MAP4K5: variants seen among roughly 807,000 people sequenced by gnomAD.
MAP4K5 encodes the protein MAPK/ERK kinase kinase kinase 5.
Under a neutral mutation model 135.6 loss-of-function variants are expected in MAP4K5, and 82 were observed. The ratio of observed to expected loss-of-function variants is 0.60; its 90% CI spans 0.51 to 0.73. MAP4K5 has a LOEUF of 0.73. Ranked by LOEUF, MAP4K5 falls within the 30% of genes least tolerant of loss-of-function variation. The probability of loss-of-function intolerance (pLI) is 0.00; values close to 1 mark genes in which losing one functional copy is unlikely to be tolerated. For synonymous variants in MAP4K5, 347 were observed against 335.0 expected, an observed-to-expected ratio of 1.04 and a Z score of -0.39; for missense variants, 907 against 1,010.9, an observed-to-expected ratio of 0.90 and a Z score of 1.39.
At position 50,486,135 on chromosome 14, in the gene MAP4K5, TA is replaced by T; in HGVS notation, c.225del (p.Cys75Ter). 7.1e-7 allele frequency: 1 copy of T among 1,416,826 alleles called. No homozygotes were observed. The highest frequency in any genetic ancestry group is 9.7e-7 in the Non-Finnish European group (1 of 1,035,468). The allele number at this position is 1,416,826 out of a possible 1,614,324, so 87.8% of individuals were successfully genotyped here. A position where few individuals can be genotyped will look rare whatever the true frequency, so the allele number is the denominator to read the frequency against. On this transcript the variant is annotated frameshift_variant, in exon 4 of 33. Transcript: ENST00000682126. LOFTEE classifies it high-confidence loss of function. ...EIFMVKECKH[C>X]NIVAYFGSYL... The stretch of plus-strand genomic sequence containing the variant: ...TAACTCCCAAAGTAGGCAACGATGT[TA>T]CAATGTTTACATTCTTTAACCATAA...
At chr14:50,553,682 C>T (rs1348399281) in intron 1 of MAP4K5, among the ~76,000 whole-genome samples, 2 of 152,090 alleles carry the variant, frequency 1.3e-5, no homozygotes, top group African/African-American at 4.8e-5. Context: ...TTCACAATTA[C>T]AAAGATATGG....
At chr14:50,437,315 G>A (rs768013040) in intron 26 of MAP4K5, among the ~76,000 whole-genome samples, 161 bp downstream of exon 26, 32 of 152,158 alleles carry the variant, frequency 2.1e-4, no homozygotes, top group Non-Finnish European at 4.6e-4. Context: ...TCTATGCCAT[G>A]TCTGTCTATA....
At chr14:50,511,748 G>A (rs953470414) in intron 2 of MAP4K5, among the ~76,000 whole-genome samples, 13 of 152,038 alleles carry the variant, frequency 8.6e-5, no homozygotes, top group African/African-American at 3.1e-4. Flanking sequence ...AAAAGATACG[G>A]AAGAATCCTA....
Position 50,476,264 on chromosome 14 carries a change from T to C in MAP4K5, c.421A>G (p.Ile141Val). The C allele has an allele frequency of 6.6e-7, 1 of 1,503,848 alleles. No individual in the cohort carries two copies. 93.2% of individuals were successfully genotyped at this position (1,503,848 alleles called of 1,614,324 possible). ...AATGTATTAAATGAACTTACTTTGA[T>C]ATCTCTATGCATTTTGCCTTTAGTA... ...LHTKGKMHRD[I>V]KGANILLTDH... Residue 141 changes from isoleucine (I) to valine (V), a missense_variant, in exon 7 of 33, where the codon ATC becomes GTC. Transcript: ENST00000682126.
chr14:50,461,252 C>A (rs766661273), intron 13 of MAP4K5, among the ~76,000 whole-genome samples: 2 of 151,998 alleles, frequency 1.3e-5, no homozygotes, highest in Non-Finnish European at 2.9e-5. Flanking sequence ...TGGTCTTGAA[C>A]TCCTGAACTC....
At chr14:50,523,235 TG>T (rs1214376127) in intron 2 of MAP4K5, among the ~76,000 whole-genome samples, 34 of 152,006 alleles carry the variant, frequency 2.2e-4, no homozygotes, top group African/African-American at 7.2e-4. Flanking sequence ...CGCTTGAACC[TG>T]GGAGGTGGAG....
At chr14:50,508,826 T>C (rs1276701602) in intron 2 of MAP4K5, among the ~76,000 whole-genome samples, 2 of 152,150 alleles carry the variant, frequency 1.3e-5, no homozygotes, top group Non-Finnish European at 2.9e-5. Context: ...AGTGTGGTGA[T>C]TCCTCAAGGA....
rs76864225 is a variant in MAP4K5 at position 50,476,213 on chromosome 14, T to C, written c.427-43A>G. 1.5e-4 allele frequency: 228 copies of C among 1,476,066 alleles called. No homozygotes were observed. In the East Asian group the frequency reaches 5.0e-3, roughly 32 times the overall value. 91.4% of individuals were successfully genotyped at this position (1,476,066 alleles called of 1,614,324 possible). A position where few individuals can be genotyped will look rare whatever the true frequency, so the allele number is the denominator to read the frequency against. On this transcript the variant is annotated intron_variant, in intron 7 of 32. Transcript: ENST00000682126. ...ATACAATTAAATTAGCATCATAAAA[T>C]TTCTTCCAATAGAATTGGCAATTTA... is the stretch of plus-strand genomic sequence containing the variant.
chr14:50,509,138 A>C (rs1009248954), intron 2 of MAP4K5, among the ~76,000 whole-genome samples: 5 of 151,958 alleles, frequency 3.3e-5, no homozygotes, highest in Admixed American at 6.6e-5. Flanking sequence ...AAGGACAGAA[A>C]ACCAAACACC....
chr14:50,536,907 G>GA (rs1238613916), upstream of MAP4K5, among the ~76,000 whole-genome samples: 6 of 152,194 alleles, frequency 3.9e-5, no homozygotes, highest in African/African-American at 1.4e-4. Context: ...TAAAAGTTTG[G>GA]AAAATTTGCA....
At chr14:50,531,876 A>C in intron 2 of MAP4K5, 66 bp downstream of exon 2, 1 of 1,123,284 alleles carries the variant, frequency 8.9e-7, no homozygotes. Flanking sequence ...AATACTTCGC[A>C]GGAAAGTGGC....
intron 2 of MAP4K5, among the ~76,000 whole-genome samples, chr14:50,526,790 A>C (rs541640692): frequency 7.3e-4 from 111 of 152,336 alleles, no homozygotes; most frequent in Non-Finnish European, 1.3e-3. Flanking sequence ...CAAAGTGCCT[A>C]AAGCCATTCC....
chr14:50,478,383 C>A (rs1427202821), intron 6 of MAP4K5, among the ~76,000 whole-genome samples: 4 of 151,974 alleles, frequency 2.6e-5, no homozygotes, highest in Non-Finnish European at 1.5e-5. Flanking sequence ...TTCTCTATTA[C>A]TATTTTTTTT....
intron 1 of MAP4K5, among the ~76,000 whole-genome samples, chr14:50,558,711 G>T (rs895544296): frequency 2.0e-5 from 3 of 152,150 alleles, no homozygotes; most frequent in East Asian, 3.9e-4. Context: ...GGATTTTCAG[G>T]CTGGAATGTA....
At chr14:50,459,279 T>C (rs1055122362) in intron 13 of MAP4K5, among the ~76,000 whole-genome samples, 2 of 152,212 alleles carry the variant, frequency 1.3e-5, no homozygotes, top group African/African-American at 2.4e-5. Context: ...CCTATCTTAG[T>C]AAATAGTAAA....
chr14:50,535,477 A>G (rs1034154335), upstream of MAP4K5, among the ~76,000 whole-genome samples: 1 of 152,224 alleles, frequency 6.6e-6, no homozygotes, highest in Non-Finnish European at 1.5e-5. Flanking sequence ...ATGTAACTCT[A>G]TGATTCAGTT....
At chr14:50,507,455 G>T (rs2037834327) in intron 2 of MAP4K5, among the ~76,000 whole-genome samples, 1 of 152,168 alleles carries the variant, frequency 6.6e-6, no homozygotes, top group Admixed American at 6.5e-5. Context: ...GTCAACTTTA[G>T]ATCTTTCCTG....
intron 13 of MAP4K5, among the ~76,000 whole-genome samples, chr14:50,458,135 C>G (rs975451102): frequency 1.3e-5 from 2 of 152,128 alleles, no homozygotes; most frequent in Non-Finnish European, 2.9e-5. Flanking sequence ...TTCTTCAAAC[C>G]TACCCATTTT....
chr14:50,483,451 T>A (rs1257183654), intron 5 of MAP4K5, among the ~76,000 whole-genome samples: 1 of 152,156 alleles, frequency 6.6e-6, no homozygotes, highest in Non-Finnish European at 1.5e-5. Flanking sequence ...CGTATTTTAA[T>A]CACTGGCTCT....
Sources: gnomAD v4.1 joint callset for allele counts (sites outside exome capture counted in the v4.1 genomes callset) on GRCh38, gnomAD v4.1.1 for gene constraint, MANE v1.5 for transcripts, NCBI Gene and HGNC (gene_info 2026-07-23, HGNC 2026-07-21) for gene names.